Variants in GPR158 observed in about 807,000 individuals in gnomAD.
GPR158 encodes the protein G protein-coupled receptor 158.
GPR158 carries 30 observed loss-of-function variants against 78.2 expected under a neutral mutation model. The ratio of observed to expected loss-of-function variants is 0.38; its 90% CI spans 0.29 to 0.52. The LOEUF (loss-of-function observed/expected upper bound fraction) is 0.52, where lower values mean the gene tolerates loss of function less well. GPR158 is among the 20% of genes least tolerant of loss of function. GPR158 has a pLI of 0.83. For missense variants in GPR158, 1,463 were observed against 1,523.5 expected (o/e 0.96, Z 0.66); for synonymous variants, 581 against 591.1 (o/e 0.98, Z 0.25).
chr10:25,549,402 TG>T (rs1349710755), intron 5 of GPR158, among the ~76,000 whole-genome samples: 1 of 152,088 alleles, frequency 6.6e-6, no homozygotes, highest in Non-Finnish European at 1.5e-5. Flanking sequence ...AGCTCAAACT[TG>T]GAATACAAAT....
At chr10:25,564,232 A>ACAT (rs779462945) in intron 6 of GPR158, among the ~76,000 whole-genome samples, 14 of 152,188 alleles carry the variant, frequency 9.2e-5, no homozygotes, top group Non-Finnish European at 7.3e-5. Flanking sequence ...AACACACATG[A>ACAT]GCCTCTATTT....
chr10:25,264,132 T>G (rs1031923388), intron 2 of GPR158, among the ~76,000 whole-genome samples: 1 of 152,154 alleles, frequency 6.6e-6, no homozygotes, highest in Non-Finnish European at 1.5e-5. Context: ...TTCCTTCCTT[T>G]TAATGAGTCA....
chr10:25,436,702 T>G (rs1354823732), intron 4 of GPR158, among the ~76,000 whole-genome samples: 1 of 152,114 alleles, frequency 6.6e-6, no homozygotes, highest in Admixed American at 6.6e-5. Flanking sequence ...ATTGGGAAAC[T>G]TAGCAGTACA....
At chr10:25,228,989 C>T (rs919323244) in intron 2 of GPR158, among the ~76,000 whole-genome samples, 4 of 148,974 alleles carry the variant, frequency 2.7e-5, no homozygotes, top group African/African-American at 1.0e-4. Flanking sequence ...GAGCTGAGAT[C>T]GTGCCACTGC....
At chr10:25,455,512 A>G (rs1835278983) in intron 4 of GPR158, among the ~76,000 whole-genome samples, 1 of 152,072 alleles carries the variant, frequency 6.6e-6, no homozygotes, top group Admixed American at 6.6e-5. Flanking sequence ...TTCTGAGTTG[A>G]TAGTCTGATC....
chr10:25,509,169 G>A (rs1273570980), intron 5 of GPR158, among the ~76,000 whole-genome samples: 1 of 152,082 alleles, frequency 6.6e-6, no homozygotes, highest in African/African-American at 2.4e-5. Flanking sequence ...TCACTGTGAT[G>A]ATCAAAAATG....
chr10:25,496,410 C>G (rs1835881295), intron 5 of GPR158, among the ~76,000 whole-genome samples: 1 of 152,176 alleles, frequency 6.6e-6, no homozygotes, highest in South Asian at 2.1e-4. Context: ...GCATTTAACT[C>G]CACATGCCTG....
In GPR158 at chr10:25,598,408, C is replaced by T. The variant is rs149419744; in HGVS notation, c.2782C>T (p.Arg928Cys). Residue 928 changes from arginine to cysteine, a missense_variant, in exon 11 of 11, where the codon CGC becomes TGC. By Grantham distance (180) the Arg-to-Cys change is radical. Transcript: ENST00000376351. ...GKTQTAGVEE[R>C]TKSQKPLPKD... is the part of the protein sequence containing the mutation. ...AACCCAAACAGCAGGTGTGGAAGAA[C>T]GCACTAAATCCCAGAAACCTTTGCC... 5.1e-5 allele frequency: 82 copies of T among 1,614,046 alleles called. No homozygotes were observed. Among genetic ancestry groups the T allele is most frequent in the South Asian group, 2.6e-4 (24 of 91,070 alleles).
intron 2 of GPR158, among the ~76,000 whole-genome samples, chr10:25,239,292 T>C (rs1853571653): frequency 6.6e-6 from 1 of 152,088 alleles, no homozygotes; most frequent in Non-Finnish European, 1.5e-5. Context: ...AAACTCAAGA[T>C]TGACCAGCTG....
chr10:25,416,039 AG>A (rs1834654656), intron 4 of GPR158, among the ~76,000 whole-genome samples: 1 of 152,192 alleles, frequency 6.6e-6, no homozygotes, highest in Non-Finnish European at 1.5e-5. Flanking sequence ...AAATTTTTAA[AG>A]GAGTTTACAT....
At chr10:25,581,873 C>G (rs1363145513) in intron 7 of GPR158, among the ~76,000 whole-genome samples, 1 of 152,140 alleles carries the variant, frequency 6.6e-6, no homozygotes, top group African/African-American at 2.4e-5. Context: ...AAAGACATAC[C>G]TGAGACTGGG....
intron 4 of GPR158, among the ~76,000 whole-genome samples, chr10:25,414,066 T>C (rs1434628489): frequency 2.6e-5 from 4 of 152,186 alleles, no homozygotes; most frequent in Non-Finnish European, 5.9e-5. Flanking sequence ...ATCTCTCTGA[T>C]ATAATGTAAT....
intron 4 of GPR158, among the ~76,000 whole-genome samples, chr10:25,425,819 T>G (rs2130568141): frequency 6.6e-6 from 1 of 152,246 alleles, no homozygotes; most frequent in Admixed American, 6.5e-5. Flanking sequence ...CCAGCTTCCT[T>G]TTTCTATATT....
At chr10:25,323,439 G>A (rs1338210555) in intron 2 of GPR158, among the ~76,000 whole-genome samples, 1 of 152,134 alleles carries the variant, frequency 6.6e-6, no homozygotes, top group Non-Finnish European at 1.5e-5. Flanking sequence ...GAAAGGCCCA[G>A]ATGACATCTT....
intron 2 of GPR158, among the ~76,000 whole-genome samples, chr10:25,297,655 T>G (rs916744379): frequency 2.0e-5 from 3 of 152,200 alleles, no homozygotes; most frequent in African/African-American, 7.2e-5. Flanking sequence ...CAGATGGAGA[T>G]TAAAGACGCA....
chr10:25,179,722 C>T (rs1346289238), intron 1 of GPR158, among the ~76,000 whole-genome samples: 1 of 152,064 alleles, frequency 6.6e-6, no homozygotes, highest in Non-Finnish European at 1.5e-5. Flanking sequence ...AAAAATGGCA[C>T]TCATTTCTCT....
intron 1 of GPR158, among the ~76,000 whole-genome samples, chr10:25,216,838 TG>T (rs1853222779): frequency 6.6e-6 from 1 of 152,136 alleles, no homozygotes; most frequent in Admixed American, 6.5e-5. Flanking sequence ...TGAGATAGCA[TG>T]AATTTTTTAG....
At chr10:25,260,385 C>T (rs116129367) in intron 2 of GPR158, among the ~76,000 whole-genome samples, 118 of 152,200 alleles carry the variant, frequency 7.8e-4, no homozygotes, top group African/African-American at 2.8e-3. Context: ...CATGTTCTTC[C>T]AGAGAAAAAT....
At chr10:25,583,551 A>G (rs939546477) in intron 7 of GPR158, among the ~76,000 whole-genome samples, 5 of 152,192 alleles carry the variant, frequency 3.3e-5, no homozygotes, top group Admixed American at 3.3e-4. Flanking sequence ...AAGGTATTCA[A>G]GAATTATTGA....
Sources: allele counts gnomAD v4.1 joint callset (sites outside exome capture counted in the v4.1 genomes callset), GRCh38; gene constraint gnomAD v4.1.1; transcripts MANE v1.5; gene names NCBI Gene and HGNC (gene_info 2026-07-23, HGNC 2026-07-21).